Variants in PTPRS observed in about 807,000 individuals in gnomAD.
PTPRS encodes receptor-type tyrosine-protein phosphatase S.
PTPRS carries 63 observed loss-of-function variants against 215.3 expected under a neutral mutation model. The ratio of observed to expected loss-of-function variants is 0.29; its 90% CI spans 0.24 to 0.36. The LOEUF (loss-of-function observed/expected upper bound fraction) is 0.36. Ranked by LOEUF, PTPRS falls within the 10% of genes least tolerant of loss-of-function variation. PTPRS has a pLI of 1.00. For synonymous variants in PTPRS, 1,404 were observed against 1,191.4 expected, an observed-to-expected ratio of 1.18 and a Z score of -3.68; for missense variants, 2,258 against 2,825.8, an observed-to-expected ratio of 0.80 and a Z score of 4.56.
chr19:5,227,086 C>T (rs1239373407), intron 16 of PTPRS, among the ~76,000 whole-genome samples: 2 of 152,030 alleles, frequency 1.3e-5, no homozygotes, highest in Admixed American at 6.6e-5. Flanking sequence ...CTCACCCTGT[C>T]GCCCAGGCTG....
At chr19:5,279,420 G>A (rs1239878379) in intron 2 of PTPRS, among the ~76,000 whole-genome samples, 1 of 151,480 alleles carries the variant, frequency 6.6e-6, no homozygotes, top group Non-Finnish European at 1.5e-5. Context: ...ACCCAAGGCT[G>A]GAGTGCGGTG....
chr19:5,218,741 C>G, intron 24 of PTPRS, 46 bp downstream of exon 24: 1 of 1,607,220 alleles, frequency 6.2e-7, no homozygotes, highest in Admixed American at 1.7e-5. Context: ...ATTCCCTGTC[C>G]TCTTCCTCTT....
intron 1 of PTPRS, among the ~76,000 whole-genome samples, chr19:5,316,843 T>G (rs1172026193): frequency 1.3e-5 from 2 of 152,110 alleles, no homozygotes; most frequent in African/African-American, 4.8e-5. Context: ...TTTGGGGTTC[T>G]GGCACCCGGC....
chr19:5,267,184 T>C (rs2046464164), intron 4 of PTPRS, among the ~76,000 whole-genome samples: 1 of 137,534 alleles, frequency 7.3e-6, no homozygotes, highest in Admixed American at 7.1e-5. Context: ...CTCCCCTCCA[T>C]GGTAAATGGA....
At chr19:5,300,377 G>A (rs1026369768) in intron 1 of PTPRS, among the ~76,000 whole-genome samples, 5 of 152,128 alleles carry the variant, frequency 3.3e-5, no homozygotes, top group Admixed American at 1.3e-4. Flanking sequence ...CATCACTGCA[G>A]AAAGTTCTGT....
At chr19:5,215,621 G>A in intron 26 of PTPRS, 26 bp from the exon 27 acceptor site, 2 of 1,560,538 alleles carry the variant, frequency 1.3e-6, no homozygotes, top group African/African-American at 1.4e-5. Flanking sequence ...GACCCCGCCG[G>A]GGTTGGTCAC....
At chr19:5,235,889 T>G (rs1307129634) in intron 13 of PTPRS, among the ~76,000 whole-genome samples, 1 of 152,258 alleles carries the variant, frequency 6.6e-6, no homozygotes, top group Non-Finnish European at 1.5e-5. Context: ...ATGTGTTGCG[T>G]GCCTACTATG....
At position 5,212,436 on chromosome 19, in the gene PTPRS, T is replaced by G; in HGVS notation, c.4670A>C (p.Asp1557Ala). ...VRQFQFTAWP[D>A]HGVPEYPTPF... is the part of the protein sequence containing the mutation. ...CGTTGGGTATTCGGGCACGCCATGGTCCGGCCACGCCGTAAACTGGAACTG... is the reference window on the plus strand; with the variant it reads ...CGTTGGGTATTCGGGCACGCCATGGGCCGGCCACGCCGTAAACTGGAACTG... The change falls in exon 31 of 38, where the codon GAC becomes GCC. Residue 1557 changes from aspartate (D) to alanine (A), a missense_variant. By Grantham distance (126) the Asp-to-Ala change is moderately radical. This residue lies in a region of PTPRS where 927 missense variants were observed against 1,125.9 expected (regional missense o/e 0.82). Coordinates refer to ENST00000262963, the MANE Select transcript of PTPRS (RefSeq NM_002850.4). 2 of 1,600,230 alleles carry G rather than the reference T, an allele frequency of 1.2e-6. No homozygotes were observed. The highest frequency in any genetic ancestry group is 1.7e-6 in the Non-Finnish European group (2 of 1,173,326).
chr19:5,308,694 G>A lies in PTPRS; in HGVS notation c.-94-22460C>T, dbSNP rs117233096. On this transcript the variant is annotated intron_variant, in intron 1 of 37. Transcript: ENST00000262963. ...GGTGGGCAGGGACCTGGCAGCCTTG[G>A]GGGTAGGGGAACTGTGGGCTCCAGG... 6.8e-3 allele frequency among the ~76,000 whole-genome samples: 1,033 copies of A among 152,278 alleles called. 3 individuals carry two copies. Among genetic ancestry groups the A allele is most frequent in the Non-Finnish European group, 9.2e-3 (627 of 68,022 alleles).
intron 1 of PTPRS, among the ~76,000 whole-genome samples, chr19:5,296,413 A>G (rs1172031526): frequency 6.6e-6 from 1 of 152,182 alleles, no homozygotes; most frequent in African/African-American, 2.4e-5. Flanking sequence ...GGGCGGAAGC[A>G]TCGCTTGAGG....
At chr19:5,206,945 G>T in intron 37 of PTPRS, 103 bp from the exon 38 acceptor site, 2 of 1,025,374 alleles carry the variant, frequency 2.0e-6, no homozygotes, top group Non-Finnish European at 1.5e-6. Flanking sequence ...CCTTGTGCGT[G>T]TCTCTTGCAG....
chr19:5,267,510 A>C (rs554307187), intron 4 of PTPRS, among the ~76,000 whole-genome samples: 89 of 151,926 alleles, frequency 5.9e-4, no homozygotes, highest in Admixed American at 2.6e-4. Context: ...TACAGAAATT[A>C]GCCAGGCATG....
At position 5,237,074 on chromosome 19, in the gene PTPRS, C is replaced by T. The variant is rs62115086; in HGVS notation, c.1849+1845G>A. Among the ~76,000 whole-genome samples, 225 of 152,264 alleles carry T rather than the reference C, an allele frequency of 1.5e-3. No individual in the cohort carries two copies. The highest frequency in any genetic ancestry group is 2.5e-3 in the Non-Finnish European group (168 of 68,024). ...ACTGCTAACTTAAAAGACTTTCTTA[C>T]GAGAGAGGGAACGGCCGAGCGCTGA... On this transcript the variant is annotated intron_variant, in intron 13 of 37. Coordinates refer to ENST00000262963, the MANE Select transcript of PTPRS (RefSeq NM_002850.4). The surrounding 1 kb of genome is among the most constrained non-coding windows in gnomAD (Gnocchi z 4.2).
intron 9 of PTPRS, among the ~76,000 whole-genome samples, chr19:5,253,227 A>C (rs551316339): frequency 5.7e-4 from 87 of 152,304 alleles, no homozygotes; most frequent in African/African-American, 2.0e-3. Flanking sequence ...TTTTGACTTA[A>C]GCCCTTTGGA....
At chr19:5,260,060 G>A (rs1207189256) in intron 7 of PTPRS, among the ~76,000 whole-genome samples, 1 of 152,124 alleles carries the variant, frequency 6.6e-6, no homozygotes, top group East Asian at 1.9e-4. Flanking sequence ...GTTGGGTAGG[G>A]GGAAAGGGAT....
At chr19:5,249,591 C>G (rs79537709) in intron 9 of PTPRS, among the ~76,000 whole-genome samples, 2 of 152,164 alleles carry the variant, frequency 1.3e-5, no homozygotes, top group East Asian at 1.9e-4. Flanking sequence ...ACGAGGATTA[C>G]GGCCAAGTAT....
chr19:5,311,112 T>G lies in PTPRS; in HGVS notation c.-94-24878A>C, dbSNP rs186170372. On this transcript the variant is annotated intron_variant, in intron 1 of 37. Coordinates refer to ENST00000262963, the MANE Select transcript of PTPRS (RefSeq NM_002850.4). ...CCAGGATGGTCTCGATCTCCTGACC[T>G]CGTGATCCACCTGACTCGGCCTCCC... 1.5e-3 allele frequency among the ~76,000 whole-genome samples: 235 copies of G among 152,226 alleles called. 4 individuals carry two copies. Among genetic ancestry groups the G allele is most frequent in the Middle Eastern group, 0.014 (4 of 294 alleles).
intron 25 of PTPRS, among the ~76,000 whole-genome samples, chr19:5,217,182 A>G (rs759614922): frequency 9.2e-5 from 14 of 152,248 alleles, no homozygotes; most frequent in Non-Finnish European, 1.8e-4. Context: ...CAAGGAGGAC[A>G]GCAACCATCA....
At chr19:5,223,425 C>T in intron 17 of PTPRS, 128 bp from the exon 18 acceptor site, 3 of 1,173,738 alleles carry the variant, frequency 2.6e-6, no homozygotes, top group South Asian at 2.1e-5. Flanking sequence ...GGGTCTTACT[C>T]TGTTGCCCAG....
Sources: allele counts gnomAD v4.1 joint callset (sites outside exome capture counted in the v4.1 genomes callset), GRCh38; gene constraint gnomAD v4.1.1; regional missense constraint gnomAD v4.1.1; non-coding constraint Gnocchi (gnomAD v3.1); transcripts MANE v1.5; gene names NCBI Gene and HGNC (gene_info 2026-07-23, HGNC 2026-07-21).